Variants in MED13L observed in about 807,000 individuals in gnomAD.
MED13L encodes mediator of RNA polymerase II transcription subunit 13-like.
A neutral mutation model predicts 220.9 loss-of-function variants in MED13L; 7 were observed. The observed-to-expected ratio is 0.03, with a 90% CI of 0.02 to 0.06. The LOEUF (loss-of-function observed/expected upper bound fraction) is 0.06, where lower values mean the gene tolerates loss of function less well. MED13L is among the 10% of genes least tolerant of loss of function. The pLI is 1.00. For missense variants in MED13L, 1,965 were observed against 2,760.5 expected (o/e 0.71, Z 6.46); for synonymous variants, 1,011 against 1,015.2 (o/e 1.00, Z 0.08).
chr12:116,019,533 C>G, intron 6 of MED13L, 121 bp from the exon 7 acceptor site: 1 of 1,210,004 alleles, frequency 8.3e-7, no homozygotes, highest in Non-Finnish European at 1.2e-6. Flanking sequence ...AAGTGATAGG[C>G]TCCATTCTTT....
intron 1 of MED13L, among the ~76,000 whole-genome samples, chr12:116,273,022 T>C (rs776375875): frequency 6.6e-6 from 1 of 152,200 alleles, no homozygotes; most frequent in Admixed American, 6.5e-5. Flanking sequence ...CAGAAAATGA[T>C]AGCCAGGCGT....
intron 4 of MED13L, among the ~76,000 whole-genome samples, chr12:116,065,614 G>T (rs1043037498): frequency 6.6e-6 from 1 of 152,148 alleles, no homozygotes; most frequent in Admixed American, 6.5e-5. Flanking sequence ...AAGAAAATAT[G>T]ATTGCAATAC....
rs755169714 is a variant in MED13L, at chr12:116,019,818, T to C, written c.780A>G (p.Gly260=). ...KEESKEEDEL[G]YDDDFPVAVE... is the part of the protein sequence containing the mutation. ...CTGCCACAGGGAAATCATCATCATATCCCAACTCGTCTTCCTCTTTCGATT... is the reference window on the plus strand; with the variant it reads ...CTGCCACAGGGAAATCATCATCATACCCCAACTCGTCTTCCTCTTTCGATT... Residue 260 remains glycine, a synonymous_variant, in exon 6 of 31, where the codon GGA becomes GGG. Transcript: ENST00000281928. The C allele has an allele frequency of 1.1e-5, 17 of 1,614,002 alleles. No individual in the cohort carries two copies. The South Asian group carries it at 1.6e-4, about 16-fold the overall frequency.
At chr12:116,198,374 C>T (rs1234270822) in intron 2 of MED13L, among the ~76,000 whole-genome samples, 1 of 152,084 alleles carries the variant, frequency 6.6e-6, no homozygotes, top group Non-Finnish European at 1.5e-5. Context: ...TCATGCCTTT[C>T]TTGTGTTTCC....
chr12:116,102,703 C>CTTTTTCCTTTTTTTTTTTT (rs1873177298), intron 3 of MED13L, among the ~76,000 whole-genome samples: 1 of 63,202 alleles, frequency 1.6e-5, no homozygotes, highest in African/African-American at 5.4e-5. Flanking sequence ...TTTTCTTTTT[C>CTTTTTCCTTTTTTTTTTTT]TTTTTTCTTT....
intron 2 of MED13L, among the ~76,000 whole-genome samples, chr12:116,225,272 T>G (rs147697331): frequency 6.6e-6 from 1 of 152,170 alleles, no homozygotes; most frequent in African/African-American, 2.4e-5. Context: ...CAAAATGGTA[T>G]GTGCTTACTG....
At chr12:116,016,825 T>A (rs1005612009) in intron 7 of MED13L, among the ~76,000 whole-genome samples, 2 of 152,216 alleles carry the variant, frequency 1.3e-5, no homozygotes, top group Non-Finnish European at 2.9e-5. Flanking sequence ...AAGAGGCAAG[T>A]GGATATACCA....
At position 116,068,269 on chromosome 12, in the gene MED13L, C is replaced by T. The variant is rs147209442; in HGVS notation, c.479+28400G>A. 3.9e-5 allele frequency among the ~76,000 whole-genome samples: 6 copies of T among 152,258 alleles called. No individual in the cohort carries two copies. In the East Asian group the frequency reaches 1.2e-3, roughly 29 times the overall value. The stretch of plus-strand genomic sequence containing the variant: ...ATGGGACAACAAAGCACACTGTGAA[C>T]AACACAGGCCAGAAGAATCTCCACA... On this transcript the variant is annotated intron_variant, in intron 4 of 30. Transcript: ENST00000281928.
At chr12:116,263,836 TACC>T (rs1872658262) in intron 1 of MED13L, among the ~76,000 whole-genome samples, 2 of 152,088 alleles carry the variant, frequency 1.3e-5, no homozygotes, top group Non-Finnish European at 2.9e-5. Context: ...AAAGCAAAAA[TACC>T]ACCACCACTT....
intron 4 of MED13L, among the ~76,000 whole-genome samples, chr12:116,025,100 T>C (rs193251951): frequency 7.1e-4 from 108 of 152,194 alleles, no homozygotes; most frequent in Non-Finnish European, 1.4e-3. Flanking sequence ...AAATAAAACA[T>C]GCAAATGGCC....
At chr12:115,978,311 T>C (rs777636127) in intron 23 of MED13L, among the ~76,000 whole-genome samples, 31 of 151,248 alleles carry the variant, frequency 2.0e-4, no homozygotes, top group Non-Finnish European at 3.8e-4. Flanking sequence ...ACCACTGAAC[T>C]GTACAATTTT....
intron 4 of MED13L, among the ~76,000 whole-genome samples, chr12:116,033,869 T>C (rs1165104801): frequency 6.6e-6 from 1 of 152,122 alleles, no homozygotes; most frequent in Non-Finnish European, 1.5e-5. Context: ...ATAAACCTAT[T>C]CCCTCCTGGC....
At chr12:116,142,110 C>T (rs1877129443) in intron 2 of MED13L, among the ~76,000 whole-genome samples, 1 of 152,158 alleles carries the variant, frequency 6.6e-6, no homozygotes, top group Non-Finnish European at 1.5e-5. Context: ...CTTTCTCTGA[C>T]TACCCTACTT....
At chr12:116,167,336 T>C (rs1016545580) in intron 2 of MED13L, among the ~76,000 whole-genome samples, 8 of 152,254 alleles carry the variant, frequency 5.3e-5, no homozygotes, top group African/African-American at 1.9e-4. Flanking sequence ...GATCAAAAAA[T>C]ACAGGGTACA....
intron 2 of MED13L, among the ~76,000 whole-genome samples, chr12:116,231,392 GT>G (rs1487009942): frequency 1.3e-5 from 2 of 152,108 alleles, no homozygotes; most frequent in Non-Finnish European, 2.9e-5. Flanking sequence ...TGCCAAATAT[GT>G]TTATCCTGAC....
chr12:116,153,555 G>A (rs2138102065), intron 2 of MED13L, among the ~76,000 whole-genome samples: 1 of 152,268 alleles, frequency 6.6e-6, no homozygotes, highest in East Asian at 1.9e-4. Flanking sequence ...TTAAAGTTAA[G>A]TGTTGTGCCC....
chr12:116,050,604 A>G (rs890269940), intron 4 of MED13L, among the ~76,000 whole-genome samples: 8 of 152,180 alleles, frequency 5.3e-5, no homozygotes, highest in Non-Finnish European at 7.3e-5. Context: ...AGCTCTACGT[A>G]TAAGTATCAA....
chr12:116,117,332 C>T (rs903512598), intron 2 of MED13L, among the ~76,000 whole-genome samples: 1 of 152,028 alleles, frequency 6.6e-6, no homozygotes, highest in Admixed American at 6.6e-5. Context: ...AGGGGTGATG[C>T]CCCCCACTCT....
At chr12:116,238,298 C>T (rs185926200) in intron 1 of MED13L, among the ~76,000 whole-genome samples, 1 of 152,254 alleles carries the variant, frequency 6.6e-6, no homozygotes, top group Admixed American at 6.5e-5. Flanking sequence ...AACAGAAAAG[C>T]TTTGCTTCTA....
Sources: allele counts gnomAD v4.1 joint callset (sites outside exome capture counted in the v4.1 genomes callset), GRCh38; gene constraint gnomAD v4.1.1; transcripts MANE v1.5; gene names NCBI Gene and HGNC (gene_info 2026-07-23, HGNC 2026-07-21).